The following GCFC2 variants were observed in gnomAD, a reference collection of about 807,000 sequenced individuals.
The protein encoded by GCFC2 is GC-rich sequence DNA-binding factor 2, also known as intron Large complex component GCFC2.
Under a neutral mutation model 99.4 loss-of-function variants are expected in GCFC2, and 102 were observed. That is an observed-to-expected ratio of 1.03 (90% CI 0.87 to 1.21). GCFC2 has a LOEUF of 1.21. Ranked by LOEUF, GCFC2 falls within the 50% of genes most tolerant of loss-of-function variation. The probability of loss-of-function intolerance (pLI) is 0.00; values close to 1 mark genes in which losing one functional copy is unlikely to be tolerated. For missense variants in GCFC2, 973 were observed against 920.9 expected (o/e 1.06, Z -0.73); for synonymous variants, 338 against 316.8 (o/e 1.07, Z -0.71).
At chr2:75,701,845 G>T in intron 3 of GCFC2, 1 of 971,254 alleles carries the variant, frequency 1.0e-6, no homozygotes, top group South Asian at 4.5e-5. Context: ...TTTAATACAT[G>T]ACATCTAAAA....
At position 75,706,731 on chromosome 2, in the gene GCFC2, C is replaced by A. The variant is rs571436558; in HGVS notation, c.266-80G>T. 312 of 906,436 alleles carry A rather than the reference C, an allele frequency of 3.4e-4. 4 individuals carry two copies. The highest frequency in any genetic ancestry group is 2.9e-3 in the South Asian group (184 of 63,166). 56.1% of individuals were successfully genotyped at this position (906,436 alleles called of 1,614,324 possible). On this transcript the variant is annotated intron_variant, in intron 1 of 16. Transcript: ENST00000321027. ...AATTGAAATTCTGAACAACACATGG[C>A]ATATGTATAATACGGTGTTTTAATC...
chr2:75,668,813 T>C (rs895854678), intron 15 of GCFC2, among the ~76,000 whole-genome samples: 22 of 152,202 alleles, frequency 1.4e-4, no homozygotes, highest in Non-Finnish European at 1.5e-5. Flanking sequence ...AGTCAAAGAA[T>C]ATAAGCTTTA....
chr2:75,667,860 G>T (rs185374730), intron 15 of GCFC2, among the ~76,000 whole-genome samples: 20 of 152,156 alleles, frequency 1.3e-4, no homozygotes, highest in African/African-American at 4.8e-4. Context: ...AACATTACAT[G>T]GATGATGATT....
chr2:75,703,159 T>A (rs1327722321), intron 2 of GCFC2, among the ~76,000 whole-genome samples: 1 of 152,218 alleles, frequency 6.6e-6, no homozygotes, highest in East Asian at 1.9e-4. Flanking sequence ...AGTTTCTTCA[T>A]GCATGATCTA....
At chr2:75,680,120 A>G (rs561253859) in intron 12 of GCFC2, 73 bp downstream of exon 12, 1 of 1,071,138 alleles carries the variant, frequency 9.3e-7, no homozygotes, top group South Asian at 1.6e-5. Context: ...CATCTTTTAT[A>G]AACCAAGATC....
intron 10 of GCFC2, among the ~76,000 whole-genome samples, chr2:75,688,180 A>C (rs543375127): frequency 2.8e-4 from 43 of 152,362 alleles, no homozygotes; most frequent in African/African-American, 7.9e-4. Context: ...ACATAAGAAG[A>C]AGCTGCATTT....
chr2:75,686,937 AT>A (rs58869655), intron 11 of GCFC2, among the ~76,000 whole-genome samples: 113 of 147,780 alleles, frequency 7.6e-4, no homozygotes, highest in East Asian at 1.4e-3. Flanking sequence ...AAATGAAGCA[AT>A]TTTTTTTTTT....
At chr2:75,671,820 G>A (rs895365562) in intron 14 of GCFC2, 130 bp downstream of exon 14, 7 of 404,198 alleles carry the variant, frequency 1.7e-5, no homozygotes, top group African/African-American at 4.1e-5. Context: ...TGAGTAATTC[G>A]ACAGAGACCA....
rs769089475 is a variant in GCFC2, at chr2:75,680,262, T to C, written c.1743A>G (p.Leu581=). 3.9e-5 allele frequency: 62 copies of C among 1,607,086 alleles called. No individual in the cohort carries two copies. The Admixed American group carries it at 1.0e-3, about 26-fold the overall frequency. Residue 581 remains leucine (L), a synonymous_variant, in exon 12 of 17, where the codon TTA becomes TTG. Transcript: ENST00000321027. ...CAAGAATCACTCTGCAATGTGTTATTAAACTTGTTGTCTGTGAGGTTGACA... is the reference window on the plus strand; with the variant it reads ...CAAGAATCACTCTGCAATGTGTTATCAAACTTGTTGTCTGTGAGGTTGACA... ...DPLSTSQTTS[L]ITHCRVILEE...
chr2:75,694,292 A>G lies in GCFC2; in HGVS notation c.969T>C (p.Tyr323=). Residue 323 remains tyrosine (Y), a synonymous_variant, in exon 6 of 17, where the codon TAT becomes TAC. Coordinates refer to ENST00000321027, the MANE Select transcript of GCFC2 (RefSeq NM_003203.5). The part of the protein sequence containing the change: ...SSNQALNCKF[Y]KSMKIYVENL... ...TTTCCACATAAATTTTCATGCTTTTATAGAATTTACAATTTAGAGCTTGAT... is the reference window on the plus strand; with the variant it reads ...TTTCCACATAAATTTTCATGCTTTTGTAGAATTTACAATTTAGAGCTTGAT... The G allele has an allele frequency of 1.6e-6, 2 of 1,225,856 alleles. No individual in the cohort carries two copies. Among genetic ancestry groups the G allele is most frequent in the Non-Finnish European group, 2.4e-6 (2 of 847,544 alleles). The allele number at this position is 1,225,856 out of a possible 1,614,324, so 75.9% of individuals were successfully genotyped here.
rs1375700097 is a variant in GCFC2 at position 75,664,580 on chromosome 2, A to T, written c.*86T>A. On this transcript the variant is annotated 3_prime_UTR_variant, in exon 17 of 17. Transcript: ENST00000321027. ...ATCCTACCTTCTATTACAGGGAATAAAGAAGAGAGAGGCACCAGCTTCTTC... is the reference window on the plus strand; with the variant it reads ...ATCCTACCTTCTATTACAGGGAATATAGAAGAGAGAGGCACCAGCTTCTTC... The T allele has an allele frequency of 1.5e-6, 1 of 667,324 alleles. No individual in the cohort carries two copies. Among genetic ancestry groups the T allele is most frequent in the African/African-American group, 1.8e-5 (1 of 55,176 alleles). The allele number at this position is 667,324 out of a possible 1,614,324, so 41.3% of individuals were successfully genotyped here.
At chr2:75,667,438 C>A (rs538451278) in intron 15 of GCFC2, among the ~76,000 whole-genome samples, 1 of 152,248 alleles carries the variant, frequency 6.6e-6, no homozygotes, top group Non-Finnish European at 1.5e-5. Flanking sequence ...AATAAACGTT[C>A]TGGAATGCGC....
At chr2:75,711,883 C>T (rs750044535), upstream of GCFC2, among the ~76,000 whole-genome samples, 40 of 152,246 alleles carry the variant, frequency 2.6e-4, no homozygotes, top group Non-Finnish European at 5.0e-4. Context: ...CTGTGCTGCC[C>T]GAGCATCCCC....
At chr2:75,675,741 C>CA (rs1206357027) in intron 12 of GCFC2, among the ~76,000 whole-genome samples, 1,451 of 69,922 alleles carry the variant, frequency 0.021, 37 homozygotes, top group South Asian at 0.074. Context: ...AAGGTTCTGT[C>CA]AAAAAAAAAA....
intron 12 of GCFC2, among the ~76,000 whole-genome samples, chr2:75,677,750 G>A (rs536228193): frequency 4.6e-5 from 7 of 152,122 alleles, no homozygotes; most frequent in Non-Finnish European, 7.4e-5. Flanking sequence ...AGGCCGAGGT[G>A]GGCGGATCAC....
Position 75,664,753 on chromosome 2 carries a change from CA to C in GCFC2, c.2258del (p.Leu753TrpfsTer2). The C allele has an allele frequency of 6.4e-7, 1 of 1,556,012 alleles. No individual in the cohort carries two copies. Among genetic ancestry groups the C allele is most frequent in the Non-Finnish European group, 8.9e-7 (1 of 1,129,464 alleles). On this transcript the variant is annotated frameshift_variant, in exon 17 of 17. Coordinates refer to ENST00000321027, the MANE Select transcript of GCFC2 (RefSeq NM_003203.5). LOFTEE classifies it high-confidence loss of function. ...RDEVEEIILI[L>X]VKIKALNQAE... Reference sequence around the variant, plus strand: ...CTTGATTCAAAGCTTTTATTTTCACCAAAATAAGAATTATTTCTTCGACTTC... The same window carrying C: ...CTTGATTCAAAGCTTTTATTTTCACCAAATAAGAATTATTTCTTCGACTTC...
At chr2:75,711,482 G>A (rs1377575975), upstream of GCFC2, among the ~76,000 whole-genome samples, 1 of 152,250 alleles carries the variant, frequency 6.6e-6, no homozygotes, top group East Asian at 1.9e-4. Context: ...GCTATTGTCT[G>A]ACGCAAATTT....
chr2:75,690,511 T>C (rs1460421486), intron 8 of GCFC2, 127 bp downstream of exon 8: 1 of 644,672 alleles, frequency 1.6e-6, no homozygotes, highest in Admixed American at 3.2e-5. Context: ...TTTGCTTTTC[T>C]ATTATTCTTA....
rs201902984 is a variant in GCFC2 at position 75,664,799 on chromosome 2, A to C, written c.2229-16T>G. The C allele has an allele frequency of 2.5e-6, 3 of 1,195,658 alleles. No individual in the cohort carries two copies. The highest frequency in any genetic ancestry group is 3.7e-6 in the Non-Finnish European group (3 of 807,118). The allele number at this position is 1,195,658 out of a possible 1,614,324, so 74.1% of individuals were successfully genotyped here. ...GACTTCATCCCTGAAAAACAAAACA[A>C]ATTTCTCCCTTTAAAAATGCAATGT... On this transcript the variant is annotated splice_polypyrimidine_tract_variant and intron_variant, in intron 16 of 16. Coordinates refer to ENST00000321027, the MANE Select transcript of GCFC2 (RefSeq NM_003203.5).
Sources: gnomAD v4.1 joint callset for allele counts (sites outside exome capture counted in the v4.1 genomes callset) on GRCh38, gnomAD v4.1.1 for gene constraint, MANE v1.5 for transcripts, NCBI Gene and HGNC (gene_info 2026-07-23, HGNC 2026-07-21) for gene names.